The following SAMMSON variants were observed in gnomAD, a reference collection of about 807,000 sequenced individuals.
The protein encoded by SAMMSON is long intergenic non-protein coding RNA 1212.
chr3:70,317,884 T>C (rs777956450), intron 7 of SAMMSON, among the ~76,000 whole-genome samples: 10 of 151,810 alleles, frequency 6.6e-5, no homozygotes, highest in Non-Finnish European at 1.2e-4. Context: ...ATGTCTTTAG[T>C]TCACTATCAT....
At chr3:70,122,663 G>T (rs1213453548) in intron 4 of SAMMSON, among the ~76,000 whole-genome samples, 2 of 152,124 alleles carry the variant, frequency 1.3e-5, no homozygotes, top group Non-Finnish European at 2.9e-5. Flanking sequence ...AAGATGAAAA[G>T]CTGTGAAACA....
At chr3:70,329,569 A>C (rs1014167282) in intron 7 of SAMMSON, among the ~76,000 whole-genome samples, 1 of 152,050 alleles carries the variant, frequency 6.6e-6, no homozygotes, top group African/African-American at 2.4e-5. Flanking sequence ...AATTCCACAC[A>C]GAAATTTTTC....
intron 6 of SAMMSON, among the ~76,000 whole-genome samples, chr3:70,276,640 G>A (rs1308156565): frequency 6.6e-6 from 1 of 152,170 alleles, no homozygotes; most frequent in Non-Finnish European, 1.5e-5. Flanking sequence ...CTAAGGTAGA[G>A]GTCGATAAAC....
chr3:70,019,181 G>A (rs1190147839), intron 3 of SAMMSON, among the ~76,000 whole-genome samples: 1 of 152,146 alleles, frequency 6.6e-6, no homozygotes, highest in Non-Finnish European at 1.5e-5. Flanking sequence ...TGACAGTGGG[G>A]TGTTAAAGTC....
At chr3:70,101,429 G>A (rs1039622558) in intron 4 of SAMMSON, among the ~76,000 whole-genome samples, 1 of 151,892 alleles carries the variant, frequency 6.6e-6, no homozygotes, top group Non-Finnish European at 1.5e-5. Flanking sequence ...TGCATTATAA[G>A]AGGCATAATT....
chr3:70,325,420 T>C (rs1384969953), intron 7 of SAMMSON, among the ~76,000 whole-genome samples: 1 of 152,150 alleles, frequency 6.6e-6, no homozygotes, highest in Non-Finnish European at 1.5e-5. Context: ...TGACAAAAGT[T>C]ACTGCAGAAA....
chr3:70,257,261 A>G (rs147544620), intron 6 of SAMMSON, among the ~76,000 whole-genome samples: 1 of 152,202 alleles, frequency 6.6e-6, no homozygotes, highest in Non-Finnish European at 1.5e-5. Context: ...ACATCTGGCC[A>G]TTCAAAAAAG....
intron 7 of SAMMSON, among the ~76,000 whole-genome samples, chr3:70,337,416 G>A (rs2106726462): frequency 6.6e-6 from 1 of 151,584 alleles, no homozygotes; most frequent in South Asian, 2.1e-4. Flanking sequence ...TTAAGTGCTT[G>A]TTTTCCCTAT....
chr3:70,394,639 C>A (rs1701076608), downstream of SAMMSON, among the ~76,000 whole-genome samples: 1 of 152,086 alleles, frequency 6.6e-6, no homozygotes, highest in South Asian at 2.1e-4. Flanking sequence ...GTACTTATTG[C>A]CACTGAACTG....
At chr3:70,310,098 G>A (rs938503176) in intron 7 of SAMMSON, among the ~76,000 whole-genome samples, 6 of 152,068 alleles carry the variant, frequency 3.9e-5, no homozygotes, top group African/African-American at 9.7e-5. Context: ...GGGGCTCTTT[G>A]ATGCATGTTC....
At chr3:70,344,831 A>C (rs934588657) in intron 7 of SAMMSON, among the ~76,000 whole-genome samples, 3 of 152,348 alleles carry the variant, frequency 2.0e-5, no homozygotes, top group Non-Finnish European at 4.4e-5. Context: ...GTTTCATTAC[A>C]AGATGCTCCA....
At chr3:70,394,295 G>T (rs1400802872), downstream of SAMMSON, among the ~76,000 whole-genome samples, 1 of 152,148 alleles carries the variant, frequency 6.6e-6, no homozygotes. Flanking sequence ...GGGGTGGTTT[G>T]GTGATCTTAT....
intron 9 of SAMMSON, among the ~76,000 whole-genome samples, chr3:70,375,671 T>A (rs1400649394): frequency 6.6e-6 from 1 of 152,188 alleles, no homozygotes; most frequent in East Asian, 1.9e-4. Context: ...CTTCATCTGC[T>A]TCTTTGAGAC....
intron 6 of SAMMSON, among the ~76,000 whole-genome samples, chr3:70,273,961 C>A (rs1701997820): frequency 6.6e-6 from 1 of 151,548 alleles, no homozygotes; most frequent in Non-Finnish European, 1.5e-5. Flanking sequence ...TGCACCCGGC[C>A]CAGAATTTTC....
intron 7 of SAMMSON, among the ~76,000 whole-genome samples, chr3:70,301,139 T>C (rs1303245256): frequency 6.6e-6 from 1 of 152,144 alleles, no homozygotes; most frequent in African/African-American, 2.4e-5. Flanking sequence ...GTTCTTTTCT[T>C]CTGAGACACA....
chr3:70,084,193 ACCT>A (rs1420555815), intron 4 of SAMMSON, among the ~76,000 whole-genome samples: 4 of 152,012 alleles, frequency 2.6e-5, no homozygotes, highest in African/African-American at 9.7e-5. Context: ...TCGTAAACAA[ACCT>A]CAGTGGGAGT....
chr3:70,271,271 A>C (rs1701973805), intron 6 of SAMMSON, among the ~76,000 whole-genome samples: 1 of 152,070 alleles, frequency 6.6e-6, no homozygotes, highest in African/African-American at 2.4e-5. Context: ...CTAGGCAGGT[A>C]AGTAAATCAT....
chr3:70,090,035 C>T lies in SAMMSON; in HGVS notation n.507+18470C>T, dbSNP rs557270419. Reference sequence around the variant, plus strand: ...CAGTAGCTATTGATTAAATTCTTTCCTACCCTTTTTTTCCTTGACTTTCCC... The same window carrying T: ...CAGTAGCTATTGATTAAATTCTTTCTTACCCTTTTTTTCCTTGACTTTCCC... On this transcript the variant is annotated intron_variant and non_coding_transcript_variant, in intron 4 of 9. Transcript: ENST00000642114. Among the ~76,000 whole-genome samples, 8 of 152,200 alleles carry T rather than the reference C, an allele frequency of 5.3e-5. No homozygotes were observed. In the South Asian group the frequency reaches 8.3e-4, roughly 16 times the overall value.
chr3:70,011,356 G>T (rs2066954797), intron 1 of SAMMSON, among the ~76,000 whole-genome samples: 1 of 152,088 alleles, frequency 6.6e-6, no homozygotes, highest in Non-Finnish European at 1.5e-5. Context: ...CAATTCCAAA[G>T]ATTTGGTCAA....
Sources: gnomAD v4.1 joint callset for allele counts (sites outside exome capture counted in the v4.1 genomes callset) on GRCh38, gnomAD v4.1.1 for gene constraint, MANE v1.5 for transcripts, NCBI Gene and HGNC (gene_info 2026-07-23, HGNC 2026-07-21) for gene names.